The following SYNJ2BP variants were observed in gnomAD, a reference collection of about 807,000 sequenced individuals.
SYNJ2BP encodes the protein synaptojanin 2 binding protein.
A neutral mutation model predicts 16.9 loss-of-function variants in SYNJ2BP; 10 were observed. The observed-to-expected ratio is 0.59, with a 90% CI of 0.36 to 1.00. SYNJ2BP has a LOEUF of 1.00. Among genes scored for constraint, SYNJ2BP ranks in the 50% least tolerant of loss-of-function variants. The probability of loss-of-function intolerance (pLI) is 0.01; values close to 1 mark genes in which losing one functional copy is unlikely to be tolerated. For synonymous variants in SYNJ2BP, 54 were observed against 68.4 expected (o/e 0.79, Z 1.04); for missense variants, 162 against 186.7 (o/e 0.87, Z 0.77).
At chr14:70,398,940 TA>T (rs1197980107) in intron 1 of SYNJ2BP, among the ~76,000 whole-genome samples, 3 of 152,098 alleles carry the variant, frequency 2.0e-5, no homozygotes, top group Non-Finnish European at 4.4e-5. Context: ...TAGGAGCAGA[TA>T]GGGGGCCTCC....
chr14:70,393,375 A>C (rs774724594), intron 1 of SYNJ2BP, among the ~76,000 whole-genome samples: 1 of 152,214 alleles, frequency 6.6e-6, no homozygotes, highest in Non-Finnish European at 1.5e-5. Context: ...TAGTTCAACC[A>C]TTATGGAAGA....
intron 1 of SYNJ2BP, among the ~76,000 whole-genome samples, chr14:70,411,581 TACTC>T (rs1211002581): frequency 1.3e-5 from 2 of 152,248 alleles, no homozygotes; most frequent in Admixed American, 1.3e-4. Flanking sequence ...CAGGCTGGTT[TACTC>T]ACTAACCTCA....
intron 1 of SYNJ2BP, among the ~76,000 whole-genome samples, chr14:70,407,885 C>T (rs536190030): frequency 1.2e-4 from 18 of 152,232 alleles, no homozygotes; most frequent in Admixed American, 1.0e-3. Flanking sequence ...GTCTCATTAC[C>T]CTATTGCAAT....
At chr14:70,391,219 T>C (rs1887974685) in intron 1 of SYNJ2BP, among the ~76,000 whole-genome samples, 1 of 152,120 alleles carries the variant, frequency 6.6e-6, no homozygotes. Context: ...ATAATATACA[T>C]AATAGAAAGT....
At chr14:70,388,117 A>G (rs1197754464) in intron 2 of SYNJ2BP, among the ~76,000 whole-genome samples, 1 of 152,230 alleles carries the variant, frequency 6.6e-6, no homozygotes, top group African/African-American at 2.4e-5. Flanking sequence ...GAAGATACAC[A>G]TTAGTGTTTT....
intron 1 of SYNJ2BP, 30 bp from the exon 2 acceptor site, chr14:70,388,636 G>A (rs1887913291): frequency 6.9e-7 from 1 of 1,458,926 alleles, no homozygotes; most frequent in South Asian, 1.5e-5. Context: ...GTAAAAAGAT[G>A]GGGGTGAAGA....
intron 1 of SYNJ2BP, among the ~76,000 whole-genome samples, chr14:70,409,706 T>C (rs1169757924): frequency 1.3e-5 from 2 of 152,354 alleles, no homozygotes; most frequent in African/African-American, 4.8e-5. Flanking sequence ...TCCATCATAA[T>C]ACAATGTGTC....
chr14:70,383,960 A>C (rs1244245535), intron 2 of SYNJ2BP, among the ~76,000 whole-genome samples: 1 of 144,072 alleles, frequency 6.9e-6, no homozygotes, highest in African/African-American at 2.6e-5. Flanking sequence ...AGAGGAAACT[A>C]TTTTTTTTTT....
At chr14:70,402,043 A>G (rs1443718738) in intron 1 of SYNJ2BP, among the ~76,000 whole-genome samples, 1 of 152,034 alleles carries the variant, frequency 6.6e-6, no homozygotes, top group Non-Finnish European at 1.5e-5. Context: ...AACGACTCAG[A>G]CCCCTCAAGG....
At position 70,417,019 on chromosome 14, in the gene SYNJ2BP, A is replaced by C. The variant is rs1028732409; in HGVS notation, c.-56T>G. 3.1e-5 allele frequency: 50 copies of C among 1,613,054 alleles called. No homozygotes were observed. The highest frequency in any genetic ancestry group is 4.2e-5 in the Non-Finnish European group (49 of 1,179,532). ...GTCAGCTGGAGTGCAGCACAGGTGAAGGTGAATCAATCTCGGCGCTGCGCC... is the reference window on the plus strand; with the variant it reads ...GTCAGCTGGAGTGCAGCACAGGTGACGGTGAATCAATCTCGGCGCTGCGCC... On this transcript the variant is annotated 5_prime_UTR_variant, in exon 1 of 4. Coordinates refer to ENST00000256366, the MANE Select transcript of SYNJ2BP (RefSeq NM_018373.3).
In SYNJ2BP at chr14:70,417,018, A is replaced by T. The variant is rs1010254064; in HGVS notation, c.-55T>A. ...GGTCAGCTGGAGTGCAGCACAGGTG[A>T]AGGTGAATCAATCTCGGCGCTGCGC... On this transcript the variant is annotated 5_prime_UTR_variant, in exon 1 of 4. Transcript: ENST00000256366. 2 of 1,613,024 alleles carry T rather than the reference A, an allele frequency of 1.2e-6. No homozygotes were observed. Among genetic ancestry groups the T allele is most frequent in the African/African-American group, 2.7e-5 (2 of 74,878 alleles).
intron 2 of SYNJ2BP, among the ~76,000 whole-genome samples, chr14:70,382,453 G>A (rs1371771955): frequency 5.3e-5 from 8 of 152,162 alleles, no homozygotes; most frequent in African/African-American, 9.7e-5. Context: ...TACAGCAGTG[G>A]TTCTCAAACT....
intron 1 of SYNJ2BP, among the ~76,000 whole-genome samples, chr14:70,397,122 G>A (rs1373371567): frequency 1.3e-5 from 2 of 152,026 alleles, no homozygotes; most frequent in East Asian, 1.9e-4. Flanking sequence ...TTACATTTAG[G>A]TATTTAATAA....
intron 1 of SYNJ2BP, among the ~76,000 whole-genome samples, chr14:70,392,939 T>G (rs1464812760): frequency 6.6e-6 from 1 of 152,128 alleles, no homozygotes; most frequent in Non-Finnish European, 1.5e-5. Context: ...CAAAAGCAAT[T>G]GCCACAAAAG....
At position 70,390,498 on chromosome 14, in the gene SYNJ2BP, C is replaced by T. The variant is rs149779003; in HGVS notation, c.65-1892G>A. 7.8e-3 allele frequency among the ~76,000 whole-genome samples: 1,188 copies of T among 152,014 alleles called. 11 individuals are homozygous for T. The highest frequency in any genetic ancestry group is 0.027 in the African/African-American group (1,125 of 41,472). On this transcript the variant is annotated intron_variant, in intron 1 of 3. Transcript: ENST00000256366. ...CTTGGCTAACACAGTGAAACCCTGT[C>T]TCTACTAAAAATACAAAAAATCACC...
rs1887503518 is a variant in SYNJ2BP, at chr14:70,370,847, T to C, written c.*2144A>G. 6.6e-6 allele frequency: 1 copy of C among 152,218 alleles called. No individual in the cohort carries two copies. Among genetic ancestry groups the C allele is most frequent in the South Asian group, 2.1e-4 (1 of 4,832 alleles). The allele number at this position is 152,218 out of a possible 1,614,324, so 9.4% of individuals were successfully genotyped here. On this transcript the variant is annotated 3_prime_UTR_variant, in exon 4 of 4. Transcript: ENST00000256366. ...GTAACTTTCTCAAACGCCCCAGTTC[T>C]CAGTAACTTTTCTCTTTTGCTGTCT...
At chr14:70,378,315 C>G (rs1887676865) in intron 2 of SYNJ2BP, among the ~76,000 whole-genome samples, 1 of 7,922 alleles carries the variant, frequency 1.3e-4, no homozygotes. Flanking sequence ...ATGCCTACAC[C>G]TGTATACTCT....
At position 70,402,146 on chromosome 14, in the gene SYNJ2BP, A is replaced by G. The variant is rs182314358; in HGVS notation, c.65-13540T>C. Among the ~76,000 whole-genome samples the G allele has an allele frequency of 4.6e-5, 7 of 152,260 alleles. No individual in the cohort carries two copies. In the East Asian group the frequency reaches 1.2e-3, roughly 25 times the overall value. On this transcript the variant is annotated intron_variant, in intron 1 of 3. Transcript: ENST00000256366. ...TCATGGACAGGTTCCTCTCAGGTCT[A>G]AAACTCTGCTCTCTTCCATACTGCA...
chr14:70,410,585 T>C (rs1888451068), intron 1 of SYNJ2BP, among the ~76,000 whole-genome samples: 1 of 151,946 alleles, frequency 6.6e-6, no homozygotes, highest in South Asian at 2.1e-4. Flanking sequence ...TGCAGCACTA[T>C]CCATAACAGC....
Sources: gnomAD v4.1 joint callset for allele counts (sites outside exome capture counted in the v4.1 genomes callset) on GRCh38, gnomAD v4.1.1 for gene constraint, MANE v1.5 for transcripts, NCBI Gene and HGNC (gene_info 2026-07-23, HGNC 2026-07-21) for gene names.